Variants in TBC1D19 observed in about 807,000 individuals in gnomAD.
TBC1D19 encodes the protein TBC1 domain family, member 19.
A neutral mutation model predicts 89.0 loss-of-function variants in TBC1D19; 60 were observed. The ratio of observed to expected loss-of-function variants is 0.67; its 90% confidence interval spans 0.55 to 0.84. The LOEUF (loss-of-function observed/expected upper bound fraction) is 0.84, where lower values mean the gene tolerates loss of function less well. TBC1D19 is among the 40% of genes least tolerant of loss of function. The pLI, the probability that TBC1D19 is intolerant of heterozygous loss-of-function variation, is 0.00. For missense variants in TBC1D19, 500 were observed against 610.8 expected (o/e 0.82, Z 1.91); for synonymous variants, 189 against 199.7 (o/e 0.95, Z 0.45).
Position 26,710,427 on chromosome 4 carries a change from A to G in TBC1D19, c.955-7506A>G, listed in dbSNP as rs190526819. Among the ~76,000 whole-genome samples, 325 of 152,260 alleles carry G rather than the reference A, an allele frequency of 2.1e-3. 6 individuals are homozygous for G. Among genetic ancestry groups the G allele is most frequent in the Admixed American group, 0.019 (296 of 15,296 alleles). The stretch of plus-strand genomic sequence containing the variant: ...GTGCCACATTTTCTTAATCCGGTCT[A>G]TCATTGTTGGACATTTGGGTTGGTT... On this transcript the variant is annotated intron_variant, in intron 13 of 20. Coordinates refer to ENST00000264866, the MANE Select transcript of TBC1D19 (RefSeq NM_018317.4).
chr4:26,852,860 C>T, the TBC1D19 span, among the ~76,000 whole-genome samples: 1 of 152,180 alleles, frequency 6.6e-6, no homozygotes, highest in East Asian at 1.9e-4. Flanking sequence ...ACCTCATGAT[C>T]CACCTGCTTC....
upstream of TBC1D19, chr4:26,583,972 T>G: frequency 1.8e-6 from 1 of 561,040 alleles, no homozygotes; most frequent in Middle Eastern, 4.8e-4. Flanking sequence ...CCCGCCCCGG[T>G]CTTTTTCCGC....
intron 13 of TBC1D19, among the ~76,000 whole-genome samples, chr4:26,716,706 T>C (rs976273444): frequency 1.3e-5 from 2 of 152,142 alleles, no homozygotes; most frequent in Non-Finnish European, 2.9e-5. Context: ...TGTATGAGTA[T>C]GTTAAAAAGC....
chr4:26,830,769 T>C, the TBC1D19 span, among the ~76,000 whole-genome samples: 1 of 152,228 alleles, frequency 6.6e-6, no homozygotes, highest in Non-Finnish European at 1.5e-5. Flanking sequence ...TAACACCTCC[T>C]GTGTTCCTGT....
chr4:26,620,255 G>A (rs1181114988), intron 3 of TBC1D19, among the ~76,000 whole-genome samples: 2 of 152,138 alleles, frequency 1.3e-5, no homozygotes, highest in Non-Finnish European at 2.9e-5. Context: ...TCCCCAAGAG[G>A]ACTTCACTGA....
At chr4:26,842,612 C>A in the TBC1D19 span, among the ~76,000 whole-genome samples, 3 of 121,078 alleles carry the variant, frequency 2.5e-5, no homozygotes, top group Non-Finnish European at 4.9e-5. Flanking sequence ...TTCTTTCTTT[C>A]TTTCTTTCTT....
chr4:26,740,850 T>C (rs573165992), intron 17 of TBC1D19: 1 of 985,390 alleles, frequency 1.0e-6, no homozygotes, highest in African/African-American at 1.7e-5. Flanking sequence ...AGCCTATATA[T>C]TCCTATTTCA....
intron 3 of TBC1D19, among the ~76,000 whole-genome samples, chr4:26,616,189 G>A (rs1316045393): frequency 2.0e-5 from 3 of 152,122 alleles, no homozygotes; most frequent in African/African-American, 7.2e-5. Flanking sequence ...AGACTAGATA[G>A]GAGGACATAG....
At chr4:26,733,509 C>G (rs550032780) in intron 15 of TBC1D19, among the ~76,000 whole-genome samples, 1 of 152,126 alleles carries the variant, frequency 6.6e-6, no homozygotes, top group South Asian at 2.1e-4. Context: ...ACCGGATGAA[C>G]CCAACCAAGT....
chr4:26,588,192 A>AT (rs2109939259), intron 1 of TBC1D19, among the ~76,000 whole-genome samples: 2 of 151,740 alleles, frequency 1.3e-5, no homozygotes, highest in Admixed American at 1.3e-4. Flanking sequence ...CGCCCAGATG[A>AT]TTTTTTGTAT....
chr4:26,643,503 C>T (rs1455391314), intron 7 of TBC1D19, among the ~76,000 whole-genome samples: 1 of 152,084 alleles, frequency 6.6e-6, no homozygotes, highest in East Asian at 1.9e-4. Context: ...ACCCTAACAT[C>T]ACAATTAAAA....
the TBC1D19 span, among the ~76,000 whole-genome samples, chr4:26,853,600 C>A: frequency 1.3e-5 from 2 of 151,852 alleles, no homozygotes; most frequent in South Asian, 2.1e-4. Context: ...TGCAGTGGTG[C>A]GGTCTCGGCT....
At chr4:26,695,549 C>T (rs1268810902) in intron 13 of TBC1D19, among the ~76,000 whole-genome samples, 1 of 152,102 alleles carries the variant, frequency 6.6e-6, no homozygotes, top group Non-Finnish European at 1.5e-5. Flanking sequence ...CCCCAAGACA[C>T]ATAATTGTCG....
the TBC1D19 span, among the ~76,000 whole-genome samples, chr4:26,823,020 C>T: frequency 5.3e-5 from 8 of 152,222 alleles, no homozygotes; most frequent in East Asian, 5.8e-4. Context: ...TTTGTTTCCA[C>T]GCTGCTAATA....
the TBC1D19 span, among the ~76,000 whole-genome samples, chr4:26,837,191 T>C: frequency 1.3e-5 from 2 of 152,158 alleles, no homozygotes; most frequent in Admixed American, 6.5e-5. Context: ...AAGGTCTATA[T>C]AATGGAGAAG....
the TBC1D19 span, among the ~76,000 whole-genome samples, chr4:26,851,521 A>T: frequency 2.6e-5 from 4 of 152,176 alleles, no homozygotes; most frequent in Admixed American, 2.6e-4. Context: ...CTGTGAAATG[A>T]TCTCCTTAAC....
intron 1 of TBC1D19, among the ~76,000 whole-genome samples, chr4:26,577,719 T>C (rs1245670117): frequency 6.6e-6 from 1 of 152,118 alleles, no homozygotes; most frequent in African/African-American, 2.4e-5. Flanking sequence ...AAGAAGGGAA[T>C]GGCTGTGGGC....
At chr4:26,694,803 C>G (rs1456588065) in intron 13 of TBC1D19, among the ~76,000 whole-genome samples, 6 of 152,200 alleles carry the variant, frequency 3.9e-5, no homozygotes, top group African/African-American at 1.4e-4. Context: ...GGACTTCCAG[C>G]AAACTCCAAC....
chr4:26,683,788 A>G (rs1476554629), intron 12 of TBC1D19, 39 bp downstream of exon 12: 1 of 1,522,042 alleles, frequency 6.6e-7, no homozygotes, highest in African/African-American at 1.4e-5. Flanking sequence ...TTTCATTAAT[A>G]TAATTTAGAA....
Sources: allele counts gnomAD v4.1 joint callset (sites outside exome capture counted in the v4.1 genomes callset), GRCh38; gene constraint gnomAD v4.1.1; transcripts MANE v1.5; gene names NCBI Gene and HGNC (gene_info 2026-07-23, HGNC 2026-07-21).